Variants in USP22 observed in about 807,000 individuals in gnomAD.
USP22 encodes ubiquitin specific peptidase 22, also known as ubiquitin carboxyl-terminal hydrolase 22.
In USP22, 22 loss-of-function variants were observed where a neutral mutation model predicts 68.1. The observed-to-expected ratio is 0.32, with a 90% CI of 0.23 to 0.46. The LOEUF (loss-of-function observed/expected upper bound fraction) is 0.46, where lower values mean the gene tolerates loss of function less well. USP22 is among the 20% of genes least tolerant of loss of function. The pLI is 1.00. For missense variants in USP22, 433 were observed against 695.8 expected (o/e 0.62, Z 4.25); for synonymous variants, 279 against 274.2 (o/e 1.02, Z -0.17).
chr17:21,017,854 C>T (rs138529926), intron 5 of USP22, 88 bp downstream of exon 5: 25 of 1,499,608 alleles, frequency 1.7e-5, no homozygotes, highest in Admixed American at 3.8e-5. Context: ...AATGTATCTT[C>T]CTTTATCATG....
At chr17:21,004,449 G>C (rs1913709269) in intron 11 of USP22, 98 bp from the exon 12 acceptor site, 1 of 1,484,334 alleles carries the variant, frequency 6.7e-7, no homozygotes, top group Admixed American at 1.8e-5. Context: ...CAGGGAGCGG[G>C]AGGCCTGTGG....
upstream of USP22, chr17:21,043,064 C>A (rs545954964): frequency 1.3e-4 from 27 of 208,078 alleles, no homozygotes; most frequent in Admixed American, 1.6e-3. Context: ...GCTGCGCTCT[C>A]GCGGTTCGCG....
intron 1 of USP22, among the ~76,000 whole-genome samples, chr17:21,030,835 AG>A (rs1284920697): frequency 1.3e-5 from 2 of 152,370 alleles, no homozygotes; most frequent in Admixed American, 6.5e-5. Context: ...AAAGGCATAA[AG>A]GATATTATTG....
In USP22 at chr17:21,015,670, C is replaced by A. The variant is rs551771204; in HGVS notation, c.838+82G>T. On this transcript the variant is annotated intron_variant, in intron 6 of 12. Transcript: ENST00000261497. Reference sequence around the variant, plus strand: ...TGTGTCACCTGTGCCCCTTTTTGCACGAGTGCATACACTCGCTTTGCTTCC... The same window carrying A: ...TGTGTCACCTGTGCCCCTTTTTGCAAGAGTGCATACACTCGCTTTGCTTCC... 6.1e-6 allele frequency: 9 copies of A among 1,473,988 alleles called. No individual in the cohort carries two copies. The Admixed American group carries it at 1.8e-4, about 29-fold the overall frequency. The allele number at this position is 1,473,988 out of a possible 1,614,324, so 91.3% of individuals were successfully genotyped here.
At chr17:21,031,710 G>A (rs370250197) in intron 1 of USP22, among the ~76,000 whole-genome samples, 2 of 149,480 alleles carry the variant, frequency 1.3e-5, no homozygotes, top group South Asian at 2.1e-4. Flanking sequence ...ACCTAGGACT[G>A]TGCTACACAC....
At chr17:21,014,938 C>A (rs971607520) in intron 6 of USP22, among the ~76,000 whole-genome samples, 2 of 152,134 alleles carry the variant, frequency 1.3e-5, no homozygotes, top group African/African-American at 4.8e-5. Context: ...AGCCCCTGCC[C>A]CCCACAGATC....
intron 1 of USP22, among the ~76,000 whole-genome samples, chr17:21,040,301 C>G (rs1016383471): frequency 1.3e-5 from 2 of 152,234 alleles, no homozygotes; most frequent in African/African-American, 4.8e-5. Context: ...ATTTCCCAAA[C>G]CAACTCTTCC....
At chr17:21,019,382 G>GT (rs1972126174) in intron 3 of USP22, among the ~76,000 whole-genome samples, 197 bp from the exon 4 acceptor site, 1 of 152,216 alleles carries the variant, frequency 6.6e-6, no homozygotes, top group Non-Finnish European at 1.5e-5. Flanking sequence ...CTCACAGAGG[G>GT]TATGAGGATG....
intron 1 of USP22, among the ~76,000 whole-genome samples, chr17:21,033,003 T>C (rs1477046501): frequency 6.9e-6 from 1 of 145,338 alleles, no homozygotes; most frequent in East Asian, 2.1e-4. Context: ...TCCAAACATA[T>C]CTTGAGACAC....
intron 1 of USP22, among the ~76,000 whole-genome samples, chr17:21,030,341 A>C (rs944398022): frequency 1.3e-5 from 2 of 151,948 alleles, no homozygotes; most frequent in Admixed American, 1.3e-4. Context: ...TGGTTGGTTG[A>C]ACCCACAGAG....
At position 21,006,930 on chromosome 17, in the gene USP22, G is replaced by A; in HGVS notation, c.1288C>T (p.Leu430=). 1.2e-6 allele frequency: 2 copies of A among 1,609,420 alleles called. No individual in the cohort carries two copies. The highest frequency in any genetic ancestry group is 1.1e-5 in the South Asian group (1 of 90,098). The change falls in exon 10 of 13, where the codon CTG becomes TTG. Residue 430 remains leucine (L), a synonymous_variant. Coordinates refer to ENST00000261497, the MANE Select transcript of USP22 (RefSeq NM_015276.2). ...RKITTYVSFP[L]ELDMTPFMAS... ...ATGAAAGGGGTCATGTCCAGCTCCA[G>A]GGGGAAGGACACATACGTGGTGATC... is the stretch of plus-strand genomic sequence containing the variant.
intron 1 of USP22, among the ~76,000 whole-genome samples, chr17:21,031,357 G>A (rs1337036304): frequency 6.6e-6 from 1 of 152,238 alleles, no homozygotes; most frequent in Non-Finnish European, 1.5e-5. Flanking sequence ...GATATACTCA[G>A]CAGCGTGGAT....
At chr17:21,009,058 T>C (rs1307226391) in intron 8 of USP22, among the ~76,000 whole-genome samples, 1 of 127,766 alleles carries the variant, frequency 7.8e-6, no homozygotes, top group African/African-American at 3.1e-5. Flanking sequence ...GCCACTGCAC[T>C]CCAGCCTGGG....
chr17:21,025,263 G>C (rs888416167), intron 2 of USP22, among the ~76,000 whole-genome samples: 1 of 152,016 alleles, frequency 6.6e-6, no homozygotes, highest in Non-Finnish European at 1.5e-5. Context: ...GGCCCAACAA[G>C]CACATGAACA....
intron 8 of USP22, 112 bp from the exon 9 acceptor site, chr17:21,008,108 T>G (rs779016363): frequency 2.2e-4 from 279 of 1,290,160 alleles, no homozygotes; most frequent in Non-Finnish European, 2.8e-4. Context: ...ACCAAAAACA[T>G]ACACTTACAA....
intron 8 of USP22, among the ~76,000 whole-genome samples, chr17:21,009,874 G>T (rs1382392144): frequency 6.6e-6 from 1 of 151,896 alleles, no homozygotes; most frequent in Non-Finnish European, 1.5e-5. Context: ...AGAATCACGT[G>T]AACCTGGGAG....
intron 3 of USP22, among the ~76,000 whole-genome samples, chr17:21,019,959 T>G (rs1446846795): frequency 6.6e-6 from 1 of 152,204 alleles, no homozygotes; most frequent in Non-Finnish European, 1.5e-5. Flanking sequence ...CGAACACAAG[T>G]CAGAGATTGC....
chr17:21,002,706 CGGTCACTCTGTGCTG>C lies in USP22; in HGVS notation c.*310_*324del, dbSNP rs1284199819. ...CCGAGTGCTGGGGAACGCCAGGCAG[CGGTCACTCTGTGCTG>C]TGAGGCCCCCGTTGCACCCCCATGT... is the stretch of plus-strand genomic sequence containing the variant. On this transcript the variant is annotated 3_prime_UTR_variant, in exon 13 of 13. Coordinates refer to ENST00000261497, the MANE Select transcript of USP22 (RefSeq NM_015276.2). 3.0e-6 allele frequency: 1 copy of C among 329,222 alleles called. No individual in the cohort carries two copies. Among genetic ancestry groups the C allele is most frequent in the Non-Finnish European group, 5.9e-6 (1 of 169,674 alleles). The allele number at this position is 329,222 out of a possible 1,614,324, so 20.4% of individuals were successfully genotyped here.
chr17:21,042,573 G>A (rs1469621020), intron 1 of USP22, 92 bp downstream of exon 1: 13 of 1,202,962 alleles, frequency 1.1e-5, no homozygotes, highest in African/African-American at 1.6e-5. Context: ...AACGGGGGAA[G>A]GGAAGAGGGC....
Sources: allele counts gnomAD v4.1 joint callset (sites outside exome capture counted in the v4.1 genomes callset), GRCh38; gene constraint gnomAD v4.1.1; transcripts MANE v1.5; gene names NCBI Gene and HGNC (gene_info 2026-07-23, HGNC 2026-07-21).